Variants in RTF1 observed in about 807,000 individuals in gnomAD.
RTF1 encodes RTF1 homolog, Paf1/RNA polymerase II complex component.
Under a neutral mutation model 95.7 loss-of-function variants are expected in RTF1, and 10 were observed. The observed-to-expected ratio is 0.10, with a 90% CI of 0.06 to 0.18. The LOEUF (loss-of-function observed/expected upper bound fraction) is 0.18. RTF1 is among the 10% of genes least tolerant of loss of function. The probability of loss-of-function intolerance (pLI) is 1.00; values close to 1 mark genes in which losing one functional copy is unlikely to be tolerated. For synonymous variants in RTF1, 305 were observed against 311.8 expected, an observed-to-expected ratio of 0.98 and a Z score of 0.23; for missense variants, 458 against 875.6, an observed-to-expected ratio of 0.52 and a Z score of 6.02.
At chr15:41,476,849 A>AT (rs1396879153) in intron 12 of RTF1, among the ~76,000 whole-genome samples, 2 of 152,160 alleles carry the variant, frequency 1.3e-5, no homozygotes, top group African/African-American at 4.8e-5. Context: ...GTGGCTGGTG[A>AT]TTTTCCATTC....
intron 4 of RTF1, among the ~76,000 whole-genome samples, chr15:41,459,071 CAAAAAAT>C (rs760775863): frequency 2.7e-5 from 4 of 150,772 alleles, no homozygotes; most frequent in African/African-American, 7.3e-5. Context: ...GATTCCGTCT[CAAAAAAT>C]AAAAAATAAA....
rs1292522221 is a variant in RTF1 at position 41,480,222 on chromosome 15, C to G, written c.1923C>G (p.Gly641=). 1 of 1,608,958 alleles carries G rather than the reference C, an allele frequency of 6.2e-7. No individual in the cohort carries two copies. The highest frequency in any genetic ancestry group is 1.1e-5 in the South Asian group (1 of 90,956). ...DAPKEMSKGQ[G]KDKDLNSKSA... ...TCCTCTTCACATTCCAGGGTCAAGGCAAAGATAAAGATTTGAATTCTAAGT... is the reference window on the plus strand; with the variant it reads ...TCCTCTTCACATTCCAGGGTCAAGGGAAAGATAAAGATTTGAATTCTAAGT... The change falls in exon 17 of 18, where the codon GGC becomes GGG. Residue 641 remains glycine, a synonymous_variant. Coordinates refer to ENST00000389629, the MANE Select transcript of RTF1 (RefSeq NM_015138.5).
At position 41,437,573 on chromosome 15, in the gene RTF1, A is replaced by G. The variant is rs200241404; in HGVS notation, c.199-748A>G. Among the ~76,000 whole-genome samples, 7 of 152,320 alleles carry G rather than the reference A, an allele frequency of 4.6e-5. No homozygotes were observed. The East Asian group carries it at 1.3e-3, about 29-fold the overall frequency. The stretch of plus-strand genomic sequence containing the variant: ...GTGGACTGGTATTGGTATTAGCAGA[A>G]AGCAGAGCAAGTAACCTTTTGTTGC... On this transcript the variant is annotated intron_variant, in intron 1 of 17. Transcript: ENST00000389629.
chr15:41,417,141 G>GAGT lies in RTF1; in HGVS notation c.28_29insTAG (p.Arg9_Ala10insVal), dbSNP rs1449938430. ...ATGCGCGGTCGCCTTTGTGTGGGTC[G>GAGT]AGCAGCGGCGGCGGCGGCGGCAGTG... On this transcript the variant is annotated inframe_insertion, in exon 1 of 18. Transcript: ENST00000389629. The GAGT allele has an allele frequency of 3.2e-6, 4 of 1,256,990 alleles. No individual in the cohort carries two copies. The African/African-American group carries it at 6.2e-5, about 20-fold the overall frequency. The allele number at this position is 1,256,990 out of a possible 1,614,324, so 77.9% of individuals were successfully genotyped here. A position where few individuals can be genotyped will look rare whatever the true frequency, so the allele number is the denominator to read the frequency against.
In RTF1 at chr15:41,417,163, A is replaced by C; in HGVS notation, c.48A>C (p.Ala16=). ...CVGRAAAAAA[A]VAVPLAGGQE... ...GTCGAGCAGCGGCGGCGGCGGCGGC[A>C]GTGGCGGTCCCACTGGCAGGCGGGC... The change falls in exon 1 of 18, where the codon GCA becomes GCC. Residue 16 remains alanine (A), a synonymous_variant. Coordinates refer to ENST00000389629, the MANE Select transcript of RTF1 (RefSeq NM_015138.5). 1 of 1,261,484 alleles carries C rather than the reference A, an allele frequency of 7.9e-7. No homozygotes were observed. The highest frequency in any genetic ancestry group is 1.0e-6 in the Non-Finnish European group (1 of 999,058). The allele number at this position is 1,261,484 out of a possible 1,614,324, so 78.1% of individuals were successfully genotyped here.
At position 41,479,796 on chromosome 15, in the gene RTF1, G is replaced by A. The variant is rs368140570; in HGVS notation, c.1915-418G>A. 1.3e-5 allele frequency among the ~76,000 whole-genome samples: 2 copies of A among 151,574 alleles called. 1 individual carries two copies. Among genetic ancestry groups the A allele is most frequent in the Non-Finnish European group, 2.9e-5 (2 of 67,950 alleles). ...GAAAATCGCGTGAACCTGGGAGGGG[G>A]AGGTTGCAGTGAGCCAAGATTGCAC... is the stretch of plus-strand genomic sequence containing the variant. On this transcript the variant is annotated intron_variant, in intron 16 of 17. Transcript: ENST00000389629.
intron 1 of RTF1, among the ~76,000 whole-genome samples, chr15:41,436,623 C>CAA (rs1217444789): frequency 5.5e-4 from 28 of 50,796 alleles, no homozygotes; most frequent in African/African-American, 1.6e-3. Flanking sequence ...GACTCTGTCT[C>CAA]AAAAAAAAAA....
chr15:41,449,023 T>C (rs1029203433), intron 2 of RTF1, among the ~76,000 whole-genome samples: 8 of 151,726 alleles, frequency 5.3e-5, no homozygotes, highest in African/African-American at 1.9e-4. Flanking sequence ...TAGCTGGGAC[T>C]ATAAGCGTTC....
At position 41,482,949 on chromosome 15, in the gene RTF1, T is replaced by G. The variant is rs2050985703; in HGVS notation, c.*2262T>G. 6.6e-6 allele frequency: 1 copy of G among 152,652 alleles called. No homozygotes were observed. Among genetic ancestry groups the G allele is most frequent in the African/African-American group, 2.4e-5 (1 of 41,460 alleles). 9.5% of individuals were successfully genotyped at this position (152,652 alleles called of 1,614,324 possible). ...ATTTGGAGAAGTGTTGATTACATTA[T>G]GGCTGTGTAATAAAATTTTTATTAA... On this transcript the variant is annotated 3_prime_UTR_variant, in exon 18 of 18. Transcript: ENST00000389629.
intron 2 of RTF1, among the ~76,000 whole-genome samples, chr15:41,444,027 C>T (rs2050748381): frequency 6.6e-6 from 1 of 150,388 alleles, no homozygotes; most frequent in African/African-American, 2.4e-5. Flanking sequence ...GAGATTGCAC[C>T]ACTGCACTCC....
In RTF1 at chr15:41,480,790, A is replaced by G; in HGVS notation, c.*103A>G. 1 of 819,636 alleles carries G rather than the reference A, an allele frequency of 1.2e-6. No individual in the cohort carries two copies. The highest frequency in any genetic ancestry group is 2.1e-6 in the Non-Finnish European group (1 of 481,394). The allele number at this position is 819,636 out of a possible 1,614,324, so 50.8% of individuals were successfully genotyped here. ...CTCTTTGGGCTGGAGCAGCTGTTGAACTGGGAAGAGACTCTAAACTGCCAG... is the reference window on the plus strand; with the variant it reads ...CTCTTTGGGCTGGAGCAGCTGTTGAGCTGGGAAGAGACTCTAAACTGCCAG... On this transcript the variant is annotated 3_prime_UTR_variant, in exon 18 of 18. Transcript: ENST00000389629.
intron 2 of RTF1, chr15:41,440,184 C>CTTTTTTTTTTTTTTTTTTTTTTTTT (rs200046733): frequency 7.3e-6 from 1 of 136,682 alleles, no homozygotes; most frequent in Non-Finnish European, 1.6e-5. Context: ...GTGATAATTT[C>CTTTTTTTTTTTTTTTTTTTTTTTTT]TTTCTTTTTT....
chr15:41,465,772 C>T (rs2050877554), intron 5 of RTF1, among the ~76,000 whole-genome samples: 1 of 152,060 alleles, frequency 6.6e-6, no homozygotes, highest in African/African-American at 2.4e-5. Flanking sequence ...ATAAATATAG[C>T]TGGGAAAATA....
At chr15:41,469,874 G>A (rs541347799) in intron 6 of RTF1, among the ~76,000 whole-genome samples, 1 of 152,318 alleles carries the variant, frequency 6.6e-6, no homozygotes, top group African/African-American at 2.4e-5. Flanking sequence ...AGATGTACCA[G>A]TGGTGATTTA....
chr15:41,477,681 A>C, intron 14 of RTF1, 166 bp downstream of exon 14: 1 of 651,506 alleles, frequency 1.5e-6, no homozygotes, highest in East Asian at 2.8e-5. Flanking sequence ...TTTATTCATA[A>C]TGAAAAGCAG....
intron 16 of RTF1, 55 bp downstream of exon 16, chr15:41,479,253 G>A (rs771126471): frequency 2.5e-5 from 31 of 1,238,540 alleles, no homozygotes; most frequent in South Asian, 3.7e-5. Flanking sequence ...CTGAGATACC[G>A]AACAAGTACC....
intron 1 of RTF1, among the ~76,000 whole-genome samples, chr15:41,431,745 C>G (rs549601071): frequency 6.6e-6 from 1 of 152,136 alleles, no homozygotes; most frequent in African/African-American, 2.4e-5. Flanking sequence ...ACGATCAGCC[C>G]TCGTCGGCTT....
chr15:41,439,581 C>G (rs1466109652), intron 2 of RTF1, among the ~76,000 whole-genome samples: 2 of 152,160 alleles, frequency 1.3e-5, no homozygotes, highest in South Asian at 4.1e-4. Flanking sequence ...GATCCAAAAC[C>G]TTAATGGAAG....
chr15:41,473,774 G>C (rs1817753939), intron 8 of RTF1, among the ~76,000 whole-genome samples: 1 of 151,490 alleles, frequency 6.6e-6, no homozygotes, highest in South Asian at 2.1e-4. Flanking sequence ...GCTGGGCGCA[G>C]TGGCTCACGC....
Sources: gnomAD v4.1 joint callset for allele counts (sites outside exome capture counted in the v4.1 genomes callset) on GRCh38, gnomAD v4.1.1 for gene constraint, MANE v1.5 for transcripts, NCBI Gene and HGNC (gene_info 2026-07-23, HGNC 2026-07-21) for gene names.